CXCL13: variants seen among roughly 807,000 people sequenced by gnomAD.
CXCL13 encodes the protein C-X-C motif chemokine ligand 13.
A neutral mutation model predicts 12.2 loss-of-function variants in CXCL13; 7 were observed. That is an observed-to-expected ratio of 0.57 (90% confidence interval 0.33 to 1.07). The LOEUF is 1.07. CXCL13 is among the 50% of genes least tolerant of loss of function. The pLI, the probability that CXCL13 is intolerant of heterozygous loss-of-function variation, is 0.04. For synonymous variants in CXCL13, 47 were observed against 42.4 expected (o/e 1.11, Z -0.42); for missense variants, 113 against 127.4 (o/e 0.89, Z 0.55).
intron 1 of CXCL13, among the ~76,000 whole-genome samples, chr4:77,535,280 C>T (rs1725033680): frequency 1.3e-5 from 2 of 152,130 alleles, no homozygotes; most frequent in African/African-American, 4.8e-5. Flanking sequence ...TGGAGGTGCC[C>T]TCAGTTGTGA....
intron 1 of CXCL13, among the ~76,000 whole-genome samples, chr4:77,567,040 C>T (rs930203125): frequency 3.9e-5 from 6 of 152,130 alleles, no homozygotes; most frequent in African/African-American, 1.4e-4. Context: ...TTTGTTCCTG[C>T]CTCACCCTAA....
chr4:77,548,881 T>C (rs1237890458), intron 1 of CXCL13, among the ~76,000 whole-genome samples: 1 of 152,238 alleles, frequency 6.6e-6, no homozygotes, highest in Admixed American at 6.5e-5. Context: ...AATGTTAGCC[T>C]GCATTGCTAG....
chr4:77,530,163 C>CAGTT (rs1414416790), intron 1 of CXCL13, among the ~76,000 whole-genome samples: 1 of 152,186 alleles, frequency 6.6e-6, no homozygotes, highest in African/African-American at 2.4e-5. Flanking sequence ...TGATGTGCTT[C>CAGTT]TGGATTCAGT....
intron 1 of CXCL13, among the ~76,000 whole-genome samples, chr4:77,559,987 C>A (rs1191116997): frequency 1.3e-5 from 2 of 150,908 alleles, no homozygotes; most frequent in African/African-American, 4.9e-5. Context: ...TCCAGTGACC[C>A]CTTCACTTCC....
intron 1 of CXCL13, among the ~76,000 whole-genome samples, chr4:77,559,921 C>CAAA (rs751894798): frequency 0.044 from 3,376 of 77,014 alleles, 265 homozygotes; most frequent in African/African-American, 0.12. Flanking sequence ...GACTCCATCA[C>CAAA]AAAAAAAAAA....
At chr4:77,532,689 G>T (rs1724959146) in intron 1 of CXCL13, among the ~76,000 whole-genome samples, 1 of 152,174 alleles carries the variant, frequency 6.6e-6, no homozygotes, top group Non-Finnish European at 1.5e-5. Context: ...ACACCAATCA[G>T]ACGTAGATTT....
intron 1 of CXCL13, among the ~76,000 whole-genome samples, chr4:77,574,543 A>G (rs1464215814): frequency 6.6e-6 from 1 of 151,942 alleles, no homozygotes; most frequent in Non-Finnish European, 1.5e-5. Context: ...AGTTGCTTAC[A>G]GTGAGTCATT....
intron 2 of CXCL13, among the ~76,000 whole-genome samples, chr4:77,609,366 G>A (rs956558825): frequency 6.6e-6 from 1 of 151,964 alleles, no homozygotes; most frequent in African/African-American, 2.4e-5. Flanking sequence ...AGGCTGGAGT[G>A]CAGTGGCACA....
intron 1 of CXCL13, among the ~76,000 whole-genome samples, chr4:77,544,066 G>C (rs1412383156): frequency 6.6e-6 from 1 of 152,150 alleles, no homozygotes; most frequent in Non-Finnish European, 1.5e-5. Context: ...TCCCTACAAA[G>C]GACATGAACT....
At chr4:77,608,926 G>A (rs998118324) in intron 2 of CXCL13, among the ~76,000 whole-genome samples, 1 of 152,176 alleles carries the variant, frequency 6.6e-6, no homozygotes, top group African/African-American at 2.4e-5. Flanking sequence ...GGAAGGTAAT[G>A]CACCTTAATT....
chr4:77,516,185 TG>T (rs1724414209), intron 1 of CXCL13, among the ~76,000 whole-genome samples: 1 of 152,228 alleles, frequency 6.6e-6, no homozygotes, highest in Admixed American at 6.5e-5. Context: ...ATAAGCTTTT[TG>T]ATGTGCTGCT....
intron 1 of CXCL13, among the ~76,000 whole-genome samples, chr4:77,532,162 C>T (rs1307672905): frequency 6.6e-6 from 1 of 152,172 alleles, no homozygotes; most frequent in Non-Finnish European, 1.5e-5. Context: ...TACAATTTGG[C>T]ATGTTTTTGC....
At chr4:77,557,088 C>T (rs1291693929) in intron 1 of CXCL13, among the ~76,000 whole-genome samples, 2 of 151,894 alleles carry the variant, frequency 1.3e-5, no homozygotes, top group African/African-American at 2.4e-5. Context: ...AAGGAAGAAA[C>T]AAAACAAACA....
chr4:77,575,086 G>C lies in CXCL13; in HGVS notation c.-42-30738G>C, dbSNP rs192809031. ...GTGAACATATTAACTAAATTCAAAA[G>C]GTTATTGTATAGTTTTCCTGTAAAT... On this transcript the variant is annotated intron_variant, in intron 1 of 4. Transcript: ENST00000286758. Among the ~76,000 whole-genome samples, 14 of 151,898 alleles carry C rather than the reference G, an allele frequency of 9.2e-5. 1 individual carries two copies. The highest frequency in any genetic ancestry group is 9.2e-4 in the Admixed American group (14 of 15,274).
At chr4:77,576,082 C>A (rs957763461) in intron 1 of CXCL13, among the ~76,000 whole-genome samples, 4 of 151,766 alleles carry the variant, frequency 2.6e-5, no homozygotes, top group East Asian at 3.8e-4. Context: ...TAATCAGCTA[C>A]AGAACTTTGA....
Position 77,562,393 on chromosome 4 carries a change from C to T in CXCL13, c.-42-43431C>T, listed in dbSNP as rs555584421. Among the ~76,000 whole-genome samples, 4 of 152,136 alleles carry T rather than the reference C, an allele frequency of 2.6e-5. No individual in the cohort carries two copies. The South Asian group carries it at 8.3e-4, about 32-fold the overall frequency. Reference sequence around the variant, plus strand: ...GGGTGCAGGATCCACCAGGTGAAGCCAGCTGGGCTCCTGAGTCTAGTGGGG... The same window carrying T: ...GGGTGCAGGATCCACCAGGTGAAGCTAGCTGGGCTCCTGAGTCTAGTGGGG... On this transcript the variant is annotated intron_variant, in intron 1 of 4. Coordinates refer to the CXCL13 transcript ENST00000286758.
intron 1 of CXCL13, among the ~76,000 whole-genome samples, chr4:77,512,730 G>T (rs186802483): frequency 6.6e-6 from 1 of 152,142 alleles, no homozygotes; most frequent in Admixed American, 6.5e-5. Flanking sequence ...TGATTTGGGT[G>T]GTGGAAGGAC....
chr4:77,547,196 C>G (rs1319523130), intron 1 of CXCL13, among the ~76,000 whole-genome samples: 1 of 152,192 alleles, frequency 6.6e-6, no homozygotes, highest in Non-Finnish European at 1.5e-5. Flanking sequence ...CACTGTGGTG[C>G]TGAGAAGAAT....
intron 1 of CXCL13, among the ~76,000 whole-genome samples, chr4:77,559,647 G>A (rs1359216666): frequency 1.3e-5 from 2 of 151,884 alleles, no homozygotes; most frequent in East Asian, 1.9e-4. Flanking sequence ...CTCTGGCCAG[G>A]CGCAGTGGCT....
Sources: allele counts gnomAD v4.1 joint callset (sites outside exome capture counted in the v4.1 genomes callset), GRCh38; gene constraint gnomAD v4.1.1; transcripts MANE v1.5; gene names NCBI Gene and HGNC (gene_info 2026-07-23, HGNC 2026-07-21).